Variants in MTHFD1L observed in about 807,000 individuals in gnomAD.
MTHFD1L encodes the protein methylenetetrahydrofolate dehydrogenase (NADP+ dependent) 1 like.
Under a neutral mutation model 119.5 loss-of-function variants are expected in MTHFD1L, and 81 were observed. The observed-to-expected ratio is 0.68, with a 90% confidence interval of 0.57 to 0.82. The LOEUF is 0.82. Among genes scored for constraint, MTHFD1L ranks in the 40% least tolerant of loss-of-function variants. MTHFD1L has a pLI of 0.00. For synonymous variants in MTHFD1L, 430 were observed against 475.2 expected (o/e 0.90, Z 1.24); for missense variants, 1,125 against 1,253.4 (o/e 0.90, Z 1.55).
chr6:150,980,976 G>A (rs748325809), intron 20 of MTHFD1L, among the ~76,000 whole-genome samples: 7 of 151,738 alleles, frequency 4.6e-5, no homozygotes, highest in Non-Finnish European at 8.8e-5. Context: ...GGTACCGCCC[G>A]GGCAAGAGAA....
intron 26 of MTHFD1L, among the ~76,000 whole-genome samples, chr6:151,082,537 C>T (rs1047324377): frequency 2.0e-5 from 3 of 151,996 alleles, no homozygotes; most frequent in East Asian, 1.9e-4. Context: ...ACTAATGAAA[C>T]CTTTTTTCCC....
intron 20 of MTHFD1L, among the ~76,000 whole-genome samples, chr6:151,005,468 G>A (rs763423627): frequency 3.3e-5 from 5 of 152,168 alleles, no homozygotes; most frequent in East Asian, 1.9e-4. Flanking sequence ...CCCATTCTTC[G>A]TCTATTTCCT....
chr6:151,082,298 G>A (rs557482896), intron 26 of MTHFD1L, among the ~76,000 whole-genome samples: 1 of 152,260 alleles, frequency 6.6e-6, no homozygotes, highest in South Asian at 2.1e-4. Flanking sequence ...CATCTCCTAA[G>A]GACTGAAGGG....
In MTHFD1L at chr6:150,958,920, G is replaced by A. The variant is rs138106765; in HGVS notation, c.1804-1355G>A. Among the ~76,000 whole-genome samples the A allele has an allele frequency of 9.7e-3, 1,472 of 152,178 alleles. 12 individuals are homozygous for A. The highest frequency in any genetic ancestry group is 0.017 in the Middle Eastern group (5 of 294). On this transcript the variant is annotated intron_variant, in intron 17 of 27. Transcript: ENST00000367321. ...TAATTGTAACAATTACAAATGAAGAGCTTGAATATCGATTATATATTATTC... is the reference window on the plus strand; with the variant it reads ...TAATTGTAACAATTACAAATGAAGAACTTGAATATCGATTATATATTATTC...
intron 23 of MTHFD1L, 48 bp from the exon 24 acceptor site, chr6:151,015,468 A>G (rs771051318): frequency 2.6e-6 from 4 of 1,555,480 alleles, no homozygotes; most frequent in East Asian, 4.5e-5. Flanking sequence ...CTTTGAAAAC[A>G]TAGCTAAATG....
At chr6:150,939,702 T>TTTTTTTTTGG (rs1792751088) in intron 13 of MTHFD1L, among the ~76,000 whole-genome samples, 1 of 149,018 alleles carries the variant, frequency 6.7e-6, no homozygotes, top group Non-Finnish European at 1.5e-5. Flanking sequence ...TTTTTTTTTT[T>TTTTTTTTTGG]GAGACAGAGT....
chr6:150,890,224 G>A (rs964480244), intron 7 of MTHFD1L, among the ~76,000 whole-genome samples: 1 of 152,072 alleles, frequency 6.6e-6, no homozygotes, highest in Non-Finnish European at 1.5e-5. Flanking sequence ...GACAAAACTT[G>A]CCCATATATA....
chr6:150,997,993 A>G (rs1297085876), intron 20 of MTHFD1L, among the ~76,000 whole-genome samples: 1 of 152,074 alleles, frequency 6.6e-6, no homozygotes, highest in Admixed American at 6.6e-5. Flanking sequence ...CCAGAGGTAG[A>G]CTCTGTGCCT....
intron 26 of MTHFD1L, among the ~76,000 whole-genome samples, chr6:151,058,775 T>C (rs1350777646): frequency 1.3e-5 from 2 of 152,236 alleles, no homozygotes; most frequent in African/African-American, 4.8e-5. Context: ...GGTTGTTTTT[T>C]ACTGTTTTAA....
At chr6:151,069,582 A>G (rs924800955) in intron 26 of MTHFD1L, among the ~76,000 whole-genome samples, 1 of 152,142 alleles carries the variant, frequency 6.6e-6, no homozygotes, top group African/African-American at 2.4e-5. Flanking sequence ...CTCCCATTGC[A>G]TTATTAGCTA....
intron 18 of MTHFD1L, among the ~76,000 whole-genome samples, chr6:150,961,281 A>G (rs569457607): frequency 6.5e-4 from 99 of 152,054 alleles, no homozygotes; most frequent in African/African-American, 2.3e-3. Flanking sequence ...TTTAGTAGAG[A>G]TGGGGTTTCA....
intron 1 of MTHFD1L, among the ~76,000 whole-genome samples, chr6:150,868,955 G>A (rs1441640143): frequency 6.6e-6 from 1 of 152,194 alleles, no homozygotes; most frequent in Non-Finnish European, 1.5e-5. Flanking sequence ...CAGCTACTCA[G>A]AAGGCTGAGG....
chr6:150,927,668 G>A (rs1468272976), intron 11 of MTHFD1L, among the ~76,000 whole-genome samples: 1 of 151,924 alleles, frequency 6.6e-6, no homozygotes, highest in African/African-American at 2.4e-5. Flanking sequence ...TGTTGGCCAG[G>A]CTTTTCTCGA....
rs189971250 is a variant in MTHFD1L, at chr6:150,887,004, A to G, written c.644-841A>G. Among the ~76,000 whole-genome samples the G allele has an allele frequency of 6.8e-3, 1,027 of 151,920 alleles. 7 individuals are homozygous for G. The highest frequency in any genetic ancestry group is 0.034 in the East Asian group (175 of 5,182). The stretch of plus-strand genomic sequence containing the variant: ...AGCAAGATCCTATCTGAAAAAAAAA[A>G]AAAAAGAAAAGAAAAAATTCAACGA... On this transcript the variant is annotated intron_variant, in intron 6 of 27. Coordinates refer to ENST00000367321, the MANE Select transcript of MTHFD1L (RefSeq NM_015440.5).
chr6:150,978,835 G>A, intron 20 of MTHFD1L, among the ~76,000 whole-genome samples: 1 of 152,158 alleles, frequency 6.6e-6, no homozygotes, highest in East Asian at 1.9e-4. Context: ...GTAAGTGACA[G>A]AGGACGTGAC....
chr6:151,009,422 T>C (rs1369667838), intron 20 of MTHFD1L, among the ~76,000 whole-genome samples: 2 of 151,870 alleles, frequency 1.3e-5, no homozygotes, highest in Non-Finnish European at 2.9e-5. Context: ...CACCTGTAGC[T>C]ACTCAGGAGG....
At chr6:150,938,563 C>T (rs1431220697) in intron 12 of MTHFD1L, 136 bp from the exon 13 acceptor site, 8 of 821,874 alleles carry the variant, frequency 9.7e-6, no homozygotes, top group Non-Finnish European at 1.6e-5. Flanking sequence ...ATTAGTGTCT[C>T]TCACTGCCTT....
chr6:151,057,215 C>G (rs6934853), intron 26 of MTHFD1L: 411,635 of 983,560 alleles, frequency 0.42, 87,396 homozygotes, highest in East Asian at 0.52. Flanking sequence ...TTCTGTCAAT[C>G]TAATTTTTAA....
chr6:151,046,851 G>T (rs1432739123), intron 26 of MTHFD1L, among the ~76,000 whole-genome samples: 1 of 152,262 alleles, frequency 6.6e-6, no homozygotes, highest in East Asian at 1.9e-4. Context: ...CAGTTTGAGG[G>T]TATAGTGGGA....
Sources: allele counts gnomAD v4.1 joint callset (sites outside exome capture counted in the v4.1 genomes callset), GRCh38; gene constraint gnomAD v4.1.1; transcripts MANE v1.5; gene names NCBI Gene and HGNC (gene_info 2026-07-23, HGNC 2026-07-21).